MMP2: variants seen among roughly 807,000 people sequenced by gnomAD.
MMP2 encodes the protein matrix metallopeptidase 2.
A neutral mutation model predicts 74.8 loss-of-function variants in MMP2; 39 were observed. The ratio of observed to expected loss-of-function variants is 0.52; its 90% CI spans 0.40 to 0.68. The LOEUF (loss-of-function observed/expected upper bound fraction) is 0.68, where lower values mean the gene tolerates loss of function less well. MMP2 is among the 30% of genes least tolerant of loss of function. MMP2 has a pLI of 0.00. For missense variants in MMP2, 803 were observed against 878.3 expected (o/e 0.91, Z 1.08); for synonymous variants, 367 against 339.8 (o/e 1.08, Z -0.88).
intron 1 of MMP2, among the ~76,000 whole-genome samples, chr16:55,482,070 C>T (rs1962119438): frequency 6.6e-6 from 1 of 152,186 alleles, no homozygotes; most frequent in African/African-American, 2.4e-5. Flanking sequence ...ATCAGCCTCC[C>T]TGCTAGGATT....
Position 55,485,731 on chromosome 16 carries a change from C to T in MMP2, c.786C>T (p.Thr262=). Residue 262 remains threonine (T), a synonymous_variant, in exon 5 of 13, where the codon ACC becomes ACT. Coordinates refer to ENST00000219070, the MANE Select transcript of MMP2 (RefSeq NM_004530.6). ...ATGGCTTCCTCTGGTGCTCCACCAC[C>T]TACAACTTTGAGAAGGATGGCAAGT... The part of the protein sequence containing the change: ...RSDGFLWCST[T]YNFEKDGKYG... 6.2e-7 allele frequency: 1 copy of T among 1,614,138 alleles called. No homozygotes were observed. The highest frequency in any genetic ancestry group is 8.5e-7 in the Non-Finnish European group (1 of 1,180,024).
intron 9 of MMP2, among the ~76,000 whole-genome samples, chr16:55,496,275 C>G (rs1322374007): frequency 6.6e-6 from 1 of 152,086 alleles, no homozygotes; most frequent in Non-Finnish European, 1.5e-5. Flanking sequence ...AGTATCTACC[C>G]CTAGAATGGG....
At chr16:55,489,955 C>A (rs1030189576) in intron 7 of MMP2, 131 bp downstream of exon 7, 1 of 1,024,866 alleles carries the variant, frequency 9.8e-7, no homozygotes, top group Non-Finnish European at 1.5e-6. Flanking sequence ...CCTACCCAGA[C>A]CCGCCCACCT....
chr16:55,496,906 G>A lies in MMP2; in HGVS notation c.1473-20G>A. ...GGTGACTGAAGATGTGGTTTCCTGTGCCCCCTTGCCTCCTGCCAGGTTCAT... is the reference window on the plus strand; with the variant it reads ...GGTGACTGAAGATGTGGTTTCCTGTACCCCCTTGCCTCCTGCCAGGTTCAT... On this transcript the variant is annotated intron_variant, in intron 9 of 12. Coordinates refer to ENST00000219070, the MANE Select transcript of MMP2 (RefSeq NM_004530.6). 3 of 1,613,268 alleles carry A rather than the reference G, an allele frequency of 1.9e-6. No individual in the cohort carries two copies. Among genetic ancestry groups the A allele is most frequent in the Non-Finnish European group, 2.5e-6 (3 of 1,180,020 alleles).
intron 10 of MMP2, 67 bp from the exon 11 acceptor site, chr16:55,498,222 G>A (rs1325387557): frequency 1.3e-6 from 2 of 1,598,052 alleles, no homozygotes; most frequent in Non-Finnish European, 1.7e-6. Flanking sequence ...ACAGACAGAT[G>A]ATGGGAGGAA....
At chr16:55,491,978 G>A (rs1962418812) in intron 8 of MMP2, 22 bp downstream of exon 8, 15 of 1,587,330 alleles carry the variant, frequency 9.4e-6, no homozygotes, top group Non-Finnish European at 1.3e-5. Context: ...GGCGGGGGTT[G>A]GGGGTGGAGG....
At chr16:55,481,909 C>A (rs1962114981) in intron 1 of MMP2, 4 of 719,508 alleles carry the variant, frequency 5.6e-6, no homozygotes, top group Non-Finnish European at 1.0e-5. Flanking sequence ...AGCCATTATT[C>A]TATTATATTA....
chr16:55,497,047 G>T lies in MMP2; in HGVS notation c.1594G>T (p.Ala532Ser), dbSNP rs2142365986. The T allele has an allele frequency of 1.2e-6, 2 of 1,614,168 alleles. No individual in the cohort carries two copies. The highest frequency in any genetic ancestry group is 2.2e-5 in the East Asian group (1 of 44,880). The change falls in exon 10 of 13, where the codon GCT (alanine) becomes TCT (serine). Residue 532 changes from alanine (A) to serine (S), a missense_variant. Physicochemically the swap from Ala to Ser is moderately conservative, Grantham distance 99. Around this residue, in one of 3 missense-constraint regions of MMP2, gnomAD observed 555 missense variants for 592.0 expected, o/e 0.94. Coordinates refer to ENST00000219070, the MANE Select transcript of MMP2 (RefSeq NM_004530.6). ...AVYEAPQEEK[A>S]VFFAGNEYWI... ...ATACGAGGCCCCACAGGAGGAGAAG[G>T]CTGTGTTCTTTGCAGGTGTGTGGGA... is the stretch of plus-strand genomic sequence containing the variant.
chr16:55,489,600 G>A (rs752380801), intron 6 of MMP2, 51 bp from the exon 7 acceptor site: 2 of 1,605,790 alleles, frequency 1.2e-6, no homozygotes, highest in Non-Finnish European at 1.7e-6. Flanking sequence ...GCTTCCTGGT[G>A]GTAGCCTCAG....
chr16:55,484,962 G>C (rs1962204153), intron 3 of MMP2, among the ~76,000 whole-genome samples: 1 of 152,134 alleles, frequency 6.6e-6, no homozygotes, highest in Non-Finnish European at 1.5e-5. Flanking sequence ...GGATGGCATA[G>C]ACACTGGGGA....
chr16:55,493,463 G>A (rs1271941529), intron 9 of MMP2, among the ~76,000 whole-genome samples, 170 bp downstream of exon 9: 1 of 152,156 alleles, frequency 6.6e-6, no homozygotes, highest in Non-Finnish European at 1.5e-5. Context: ...CAGTGGATTT[G>A]CACCCAAGCA....
At chr16:55,486,707 T>C (rs958832883) in intron 5 of MMP2, 9 of 152,122 alleles carry the variant, frequency 5.9e-5, no homozygotes, top group African/African-American at 2.2e-4. Context: ...TATTTGATAA[T>C]TCTGCAGATT....
At chr16:55,486,286 G>T (rs1400345524) in intron 5 of MMP2, among the ~76,000 whole-genome samples, 2 of 151,184 alleles carry the variant, frequency 1.3e-5, no homozygotes, top group Non-Finnish European at 2.9e-5. Flanking sequence ...TTCAGCTATT[G>T]CTCCTGCCTT....
At position 55,505,401 on chromosome 16, in the gene MMP2, G is replaced by A. The variant is rs557085579; in HGVS notation, c.1942G>A (p.Val648Met). The change falls in exon 13 of 13, where the codon GTG becomes ATG. Residue 648 changes from valine (V) to methionine (M), a missense_variant. Around this residue, in one of 3 missense-constraint regions of MMP2, gnomAD observed 555 missense variants for 592.0 expected, o/e 0.94. Transcript: ENST00000219070. ...GCTGGAGAACCAAAGTCTGAAGAGC[G>A]TGAAGTTTGGAAGCATCAAATCCGA... Reference protein sequence around the residue: ...LKLENQSLKSVKFGSIKSDWL... With the variant: ...LKLENQSLKSMKFGSIKSDWL... 11 of 1,614,084 alleles carry A rather than the reference G, an allele frequency of 6.8e-6. No homozygotes were observed. Among genetic ancestry groups the A allele is most frequent in the African/African-American group, 5.3e-5 (4 of 75,032 alleles).
intron 10 of MMP2, 25 bp downstream of exon 10, chr16:55,497,087 G>A: frequency 6.2e-7 from 1 of 1,613,666 alleles, no homozygotes; most frequent in Non-Finnish European, 8.5e-7. Context: ...CCCTTCCTTG[G>A]CCCTCAGCTC....
chr16:55,495,272 A>AC (rs1962504483), intron 9 of MMP2, among the ~76,000 whole-genome samples: 1 of 152,220 alleles, frequency 6.6e-6, no homozygotes, highest in South Asian at 2.1e-4. Context: ...GAAAGCCCTG[A>AC]CCACACATGC....
Position 55,479,508 on chromosome 16 carries a change from T to A in MMP2, c.29T>A (p.Leu10His), listed in dbSNP as rs770252807. The change falls in exon 1 of 13, where the codon CTC (leucine) becomes CAC (histidine). Residue 10 changes from leucine to histidine, a missense_variant. Leu to His is a moderately conservative substitution (Grantham distance 99). Around this residue, in one of 3 missense-constraint regions of MMP2, gnomAD observed 223 missense variants for 232.8 expected, o/e 0.96. Coordinates refer to ENST00000219070, the MANE Select transcript of MMP2 (RefSeq NM_004530.6). ...GAGGCGCTAATGGCCCGGGGCGCGC[T>A]CACGGGTCCCCTGAGGGCGCTCTGT... is the stretch of plus-strand genomic sequence containing the variant. MEALMARGALTGPLRALCLL... is the reference protein window; with the variant it reads MEALMARGAHTGPLRALCLL... 6.3e-7 allele frequency: 1 copy of A among 1,597,190 alleles called. No individual in the cohort carries two copies. The highest frequency in any genetic ancestry group is 8.5e-7 in the Non-Finnish European group (1 of 1,172,288).
In MMP2 at chr16:55,488,880, T is replaced by C. The variant is rs145666716; in HGVS notation, c.1006+164T>C. On this transcript the variant is annotated intron_variant, in intron 6 of 12. Transcript: ENST00000219070. Reference sequence around the variant, plus strand: ...AAGATGTCCGTGTAGCTAGTCAGGATACTTGTCACCTGGTATGGCCTGGGC... The same window carrying C: ...AAGATGTCCGTGTAGCTAGTCAGGACACTTGTCACCTGGTATGGCCTGGGC... 365 of 754,966 alleles carry C rather than the reference T, an allele frequency of 4.8e-4. 2 individuals are homozygous for C. Among genetic ancestry groups the C allele is most frequent in the African/African-American group, 4.6e-3 (264 of 57,634 alleles). 46.8% of individuals were successfully genotyped at this position (754,966 alleles called of 1,614,324 possible). A position where few individuals can be genotyped will look rare whatever the true frequency, so the allele number is the denominator to read the frequency against.
intron 3 of MMP2, among the ~76,000 whole-genome samples, chr16:55,484,416 A>G (rs1416808693): frequency 6.6e-6 from 1 of 152,176 alleles, no homozygotes; most frequent in Non-Finnish European, 1.5e-5. Context: ...CAAGTGGTCT[A>G]CTGTGCTGTC....
Sources: allele counts gnomAD v4.1 joint callset (sites outside exome capture counted in the v4.1 genomes callset), GRCh38; gene constraint gnomAD v4.1.1; regional missense constraint gnomAD v4.1.1; transcripts MANE v1.5; gene names NCBI Gene and HGNC (gene_info 2026-07-23, HGNC 2026-07-21).